The following CCNC variants were observed in gnomAD, a reference collection of about 807,000 sequenced individuals.
CCNC encodes the protein cyclin-C.
In CCNC, 19 loss-of-function variants were observed where a neutral mutation model predicts 50.0. The observed-to-expected ratio is 0.38, with a 90% CI of 0.27 to 0.56. The LOEUF (loss-of-function observed/expected upper bound fraction) is 0.56, where lower values mean the gene tolerates loss of function less well. Among genes scored for constraint, CCNC ranks in the 20% least tolerant of loss-of-function variants. The pLI, the probability that CCNC is intolerant of heterozygous loss-of-function variation, is 0.72. For synonymous variants in CCNC, 93 were observed against 103.7 expected (o/e 0.90, Z 0.63); for missense variants, 200 against 327.1 (o/e 0.61, Z 3.00).
chr6:99,558,278 T>C, intron 5 of CCNC: 1 of 533,878 alleles, frequency 1.9e-6, no homozygotes, highest in Non-Finnish European at 3.0e-6. Flanking sequence ...ATAATTACTA[T>C]CCATTTTAAC....
chr6:99,544,073 C>A, intron 11 of CCNC: 6 of 1,307,060 alleles, frequency 4.6e-6, no homozygotes, highest in Non-Finnish European at 5.9e-6. Context: ...TATATAAATA[C>A]AGCAAACCTT....
intron 1 of CCNC, among the ~76,000 whole-genome samples, chr6:99,566,393 A>G (rs1325895130): frequency 6.6e-6 from 1 of 152,058 alleles, no homozygotes; most frequent in African/African-American, 2.4e-5. Flanking sequence ...GTTACATTCC[A>G]TATATGGTAC....
Position 99,566,557 on chromosome 6 carries a change from T to A in CCNC, c.32+1939A>T, listed in dbSNP as rs1422264279. 2.0e-5 allele frequency among the ~76,000 whole-genome samples: 3 copies of A among 152,126 alleles called. No homozygotes were observed. The East Asian group carries it at 5.8e-4, about 29-fold the overall frequency. On this transcript the variant is annotated intron_variant, in intron 1 of 11. Coordinates refer to ENST00000520429, the MANE Select transcript of CCNC (RefSeq NM_005190.4). The stretch of plus-strand genomic sequence containing the variant: ...CAGCAAATACTTAGTGCCCTTCTAG[T>A]TCATTTTGGTCACAGACTGTGTTTT...
chr6:99,568,672 G>A (rs867486190), upstream of CCNC: 5 of 1,512,178 alleles, frequency 3.3e-6, no homozygotes, highest in Admixed American at 4.2e-5. Context: ...GCGAAAGGAA[G>A]AGGATGGCCC....
At chr6:99,556,576 T>C (rs552165556) in intron 5 of CCNC, among the ~76,000 whole-genome samples, 6 of 152,210 alleles carry the variant, frequency 3.9e-5, no homozygotes, top group Admixed American at 3.3e-4. Context: ...CTCAGCACTT[T>C]GGGAGGCTGA....
chr6:99,546,116 C>T (rs1430170406), intron 10 of CCNC, among the ~76,000 whole-genome samples: 1 of 152,086 alleles, frequency 6.6e-6, no homozygotes, highest in Admixed American at 6.6e-5. Context: ...CAGGTGCATG[C>T]CACCACACCC....
At position 99,543,139 on chromosome 6, in the gene CCNC, A is replaced by ATTTT. The variant is rs1801942357; in HGVS notation, c.*415_*416insAAAA. 1 of 153,478 alleles carries ATTTT rather than the reference A, an allele frequency of 6.5e-6. No homozygotes were observed. The highest frequency in any genetic ancestry group is 1.5e-5 in the Non-Finnish European group (1 of 68,632). The allele number at this position is 153,478 out of a possible 1,614,324, so 9.5% of individuals were successfully genotyped here. ...TTTAAAGTTAAACTTATGGAGGGAAAAAAACCCTCATAGATTGACTGTAAA... is the reference window on the plus strand; with the variant it reads ...TTTAAAGTTAAACTTATGGAGGGAAATTTTAAAACCCTCATAGATTGACTGTAAA... On this transcript the variant is annotated 3_prime_UTR_variant, in exon 12 of 12. Transcript: ENST00000520429.
intron 8 of CCNC, 41 bp from the exon 9 acceptor site, chr6:99,549,616 A>C (rs1383551698): frequency 8.0e-7 from 1 of 1,251,472 alleles, no homozygotes; most frequent in Admixed American, 1.8e-5. Context: ...AAGCAGAACT[A>C]CCTCATCTGA....
intron 5 of CCNC, chr6:99,557,255 A>C (rs1802558107): frequency 6.6e-6 from 1 of 151,978 alleles, no homozygotes; most frequent in Non-Finnish European, 1.5e-5. Context: ...TAATATTTTT[A>C]TGTTTCTGTC....
At chr6:99,556,995 G>A (rs1802543600) in intron 5 of CCNC, among the ~76,000 whole-genome samples, 1 of 152,206 alleles carries the variant, frequency 6.6e-6, no homozygotes, top group Admixed American at 6.5e-5. Flanking sequence ...CCCTCTATTA[G>A]CTGAAATTAG....
At chr6:99,543,720 A>G in intron 11 of CCNC, 111 bp from the exon 12 acceptor site, 1 of 1,524,452 alleles carries the variant, frequency 6.6e-7, no homozygotes, top group Non-Finnish European at 8.8e-7. Flanking sequence ...ACTATACAAA[A>G]CAAAGACATT....
chr6:99,543,621 G>C lies in CCNC; in HGVS notation c.798-12C>G. The C allele has an allele frequency of 6.2e-7, 1 of 1,612,594 alleles. No individual in the cohort carries two copies. The highest frequency in any genetic ancestry group is 8.5e-7 in the Non-Finnish European group (1 of 1,179,162). ...CCTGCTCTCCTTCACTGTTCAAATG[G>C]GGAAGAAAGAGATTTTATACCAATT... is the stretch of plus-strand genomic sequence containing the variant. On this transcript the variant is annotated splice_polypyrimidine_tract_variant and intron_variant, in intron 11 of 11. Transcript: ENST00000520429.
chr6:99,547,305 TA>T (rs1209702600), intron 9 of CCNC, among the ~76,000 whole-genome samples: 2 of 151,620 alleles, frequency 1.3e-5, no homozygotes, highest in African/African-American at 2.4e-5. Context: ...AAGAAGAGGT[TA>T]AAAAAAACCA....
chr6:99,551,580 T>C (rs1238703427), intron 6 of CCNC, among the ~76,000 whole-genome samples: 1 of 152,166 alleles, frequency 6.6e-6, no homozygotes, highest in Non-Finnish European at 1.5e-5. Flanking sequence ...TCTGATTTTG[T>C]TGTTCTGGAA....
intron 5 of CCNC, among the ~76,000 whole-genome samples, chr6:99,553,052 A>G (rs1166998118): frequency 6.8e-6 from 1 of 147,230 alleles, no homozygotes; most frequent in African/African-American, 2.5e-5. Flanking sequence ...AAAAAAAAAA[A>G]GAAAGAAATT....
chr6:99,566,087 T>C (rs1769107627), intron 1 of CCNC, among the ~76,000 whole-genome samples: 1 of 152,006 alleles, frequency 6.6e-6, no homozygotes, highest in Non-Finnish European at 1.5e-5. Context: ...TTTAAAACCC[T>C]GGAGATAACC....
At chr6:99,551,933 G>C in intron 5 of CCNC, 38 bp from the exon 6 acceptor site, 1 of 1,305,940 alleles carries the variant, frequency 7.7e-7, no homozygotes, top group East Asian at 2.7e-5. Context: ...CTGAGAAAAT[G>C]GGAAATAAAT....
chr6:99,544,813 C>T (rs1196905230), intron 11 of CCNC, among the ~76,000 whole-genome samples: 1 of 151,244 alleles, frequency 6.6e-6, no homozygotes, highest in African/African-American at 2.4e-5. Context: ...CTGAATTCTG[C>T]CCTGAATTTC....
At position 99,551,039 on chromosome 6, in the gene CCNC, CAA is replaced by C. The variant is rs755976826; in HGVS notation, c.403-13_403-12del. On this transcript the variant is annotated splice_polypyrimidine_tract_variant and intron_variant, in intron 6 of 11. Transcript: ENST00000520429. ...TTCACATTCTAATATCTGTTTAAAA[CAA>C]AGATTATCAATGAAATGTCAATATG... 11 of 1,081,536 alleles carry C rather than the reference CAA, an allele frequency of 1.0e-5. No homozygotes were observed. The highest frequency in any genetic ancestry group is 1.3e-5 in the Non-Finnish European group (10 of 790,018). The allele number at this position is 1,081,536 out of a possible 1,614,324, so 67.0% of individuals were successfully genotyped here.
Sources: allele counts gnomAD v4.1 joint callset (sites outside exome capture counted in the v4.1 genomes callset), GRCh38; gene constraint gnomAD v4.1.1; transcripts MANE v1.5; gene names NCBI Gene and HGNC (gene_info 2026-07-23, HGNC 2026-07-21).